Variants in ZNF676 observed in about 807,000 individuals in gnomAD.
The protein encoded by ZNF676 is zinc finger protein 676.
ZNF676 carries 4 observed loss-of-function variants against 6.0 expected under a neutral mutation model. That is an observed-to-expected ratio of 0.67 (90% CI 0.33 to 1.53). ZNF676 has a LOEUF of 1.53. Ranked by LOEUF, ZNF676 falls within the 40% of genes most tolerant of loss-of-function variation. ZNF676 has a pLI of 0.06. For synonymous variants in ZNF676, 198 were observed against 223.1 expected, an observed-to-expected ratio of 0.89 and a Z score of 1.00; for missense variants, 644 against 679.7, an observed-to-expected ratio of 0.95 and a Z score of 0.58.
the ZNF676 span, among the ~76,000 whole-genome samples, chr19:22,256,068 T>A: frequency 6.6e-6 from 1 of 152,158 alleles, no homozygotes; most frequent in Non-Finnish European, 1.5e-5. Flanking sequence ...GATGACACAC[T>A]GTGTACAATC....
chr19:22,194,713 T>A (rs923595720), intron 1 of ZNF676, among the ~76,000 whole-genome samples: 5 of 151,966 alleles, frequency 3.3e-5, no homozygotes, highest in African/African-American at 9.7e-5. Context: ...AATTTCATCA[T>A]AATAACACCC....
chr19:22,193,690 C>T (rs2023938030), intron 1 of ZNF676, among the ~76,000 whole-genome samples: 1 of 152,100 alleles, frequency 6.6e-6, no homozygotes, highest in Admixed American at 6.6e-5. Context: ...GAAGTAGAAA[C>T]TCCCATACAA....
At chr19:22,224,894 T>C in the ZNF676 span, among the ~76,000 whole-genome samples, 31 of 152,054 alleles carry the variant, frequency 2.0e-4, no homozygotes, top group African/African-American at 7.5e-4. Flanking sequence ...ACCTGGGAGA[T>C]CAAGGGAAAA....
At chr19:22,235,010 AAGAAAGAAAG>A in the ZNF676 span, among the ~76,000 whole-genome samples, 2 of 103,900 alleles carry the variant, frequency 1.9e-5, no homozygotes, top group African/African-American at 3.8e-5. Context: ...GAAAGAAAGA[AAGAAAGAAAG>A]AAAGAAAGAA....
upstream of ZNF676, among the ~76,000 whole-genome samples, chr19:22,215,950 C>G (rs1434654543): frequency 2.0e-5 from 3 of 152,216 alleles, no homozygotes; most frequent in Non-Finnish European, 2.9e-5. Context: ...TAGGCTGCAG[C>G]CTTTTCAGGC....
chr19:22,223,575 C>T, the ZNF676 span, among the ~76,000 whole-genome samples: 103,226 of 150,826 alleles, frequency 0.68, 35,704 homozygotes, highest in South Asian at 0.85. Flanking sequence ...CTTTGTATTT[C>T]CTATTTCAAA....
chr19:22,191,622 CA>C (rs1366114051), intron 2 of ZNF676, among the ~76,000 whole-genome samples: 4 of 152,168 alleles, frequency 2.6e-5, no homozygotes, highest in African/African-American at 9.6e-5. Context: ...TAAAGCCCAC[CA>C]TATGCAGACT....
the ZNF676 span, among the ~76,000 whole-genome samples, chr19:22,229,355 G>A: frequency 6.6e-6 from 1 of 152,118 alleles, no homozygotes; most frequent in Admixed American, 6.6e-5. Context: ...ATTAACTCAA[G>A]ATGGATTAAA....
Position 22,180,301 on chromosome 19 carries a change from A to C in ZNF676, c.1416T>G (p.Ala472=). The C allele has an allele frequency of 6.2e-7, 1 of 1,612,728 alleles. No homozygotes were observed. Among genetic ancestry groups the C allele is most frequent in the Non-Finnish European group, 8.5e-7 (1 of 1,178,800 alleles). Residue 472 remains alanine, a synonymous_variant, in exon 3 of 3, where the codon GCT becomes GCG. Transcript: ENST00000397121. The stretch of plus-strand genomic sequence containing the variant: ...CTTCACATTTGTAAGGTTTCTCTGC[A>C]GCATGAATTCTCTTGTGTTTAGTAA... ...SSFTKHKRIH[A]AEKPYKCEEC... is the part of the protein sequence containing the mutation.
At chr19:22,200,723 T>C (rs1485797992), upstream of ZNF676, among the ~76,000 whole-genome samples, 1 of 152,004 alleles carries the variant, frequency 6.6e-6, no homozygotes, top group East Asian at 1.9e-4. Flanking sequence ...TCAATATTAT[T>C]CAATATGGTG....
At chr19:22,194,235 C>T (rs999746023) in intron 1 of ZNF676, among the ~76,000 whole-genome samples, 9 of 152,164 alleles carry the variant, frequency 5.9e-5, no homozygotes, top group African/African-American at 1.7e-4. Flanking sequence ...GAGCCTTATG[C>T]ACAATATATC....
At chr19:22,234,397 C>A in the ZNF676 span, among the ~76,000 whole-genome samples, 624 of 152,300 alleles carry the variant, frequency 4.1e-3, 5 homozygotes, top group African/African-American at 0.014. Context: ...GCCTTCAGAA[C>A]CTGCTCAAGC....
upstream of ZNF676, among the ~76,000 whole-genome samples, chr19:22,217,600 TC>T: frequency 1.2e-5 from 1 of 85,314 alleles, no homozygotes; most frequent in African/African-American, 6.0e-5. Flanking sequence ...AGTTCTTTTT[TC>T]CTTTTTTTTT....
the ZNF676 span, among the ~76,000 whole-genome samples, chr19:22,246,945 C>A: frequency 6.6e-6 from 1 of 152,200 alleles, no homozygotes; most frequent in Admixed American, 6.5e-5. Context: ...TTCTTTACTT[C>A]TCTAATAAAC....
intron 1 of ZNF676, among the ~76,000 whole-genome samples, chr19:22,209,624 C>T (rs1423716120): frequency 6.6e-6 from 1 of 152,034 alleles, no homozygotes; most frequent in Non-Finnish European, 1.5e-5. Flanking sequence ...CAAAGCTGCA[C>T]ATGTACCCCT....
chr19:22,251,804 A>AAAT, the ZNF676 span, among the ~76,000 whole-genome samples: 3 of 151,140 alleles, frequency 2.0e-5, no homozygotes, highest in African/African-American at 2.4e-5. Flanking sequence ...AAAAAAAAAA[A>AAAT]TCCGGATCAC....
chr19:22,206,219 T>A (rs1314189263), intron 1 of ZNF676, among the ~76,000 whole-genome samples: 1 of 152,140 alleles, frequency 6.6e-6, no homozygotes, highest in Non-Finnish European at 1.5e-5. Flanking sequence ...AAATAGAAGC[T>A]GATATTATTT....
At chr19:22,242,651 G>T in the ZNF676 span, among the ~76,000 whole-genome samples, 1 of 151,934 alleles carries the variant, frequency 6.6e-6, no homozygotes, top group African/African-American at 2.4e-5. Flanking sequence ...AGAGATAGAA[G>T]AGTCTTATCA....
chr19:22,185,076 A>T (rs1350448070), intron 2 of ZNF676, among the ~76,000 whole-genome samples: 1 of 152,178 alleles, frequency 6.6e-6, no homozygotes, highest in Non-Finnish European at 1.5e-5. Flanking sequence ...TGATTAAGAG[A>T]CACCTCCCAG....
Sources: allele counts gnomAD v4.1 joint callset (sites outside exome capture counted in the v4.1 genomes callset), GRCh38; gene constraint gnomAD v4.1.1; transcripts MANE v1.5; gene names NCBI Gene and HGNC (gene_info 2026-07-23, HGNC 2026-07-21).